The following MPRIP variants were observed in gnomAD, a reference collection of about 807,000 sequenced individuals.
MPRIP encodes the protein myosin phosphatase Rho interacting protein.
In MPRIP, 59 loss-of-function variants were observed where a neutral mutation model predicts 234.9. The observed-to-expected ratio is 0.25, with a 90% CI of 0.20 to 0.31. The LOEUF is 0.31. Ranked by LOEUF, MPRIP falls within the 10% of genes least tolerant of loss-of-function variation. MPRIP has a pLI of 1.00. For missense variants in MPRIP, 2,436 were observed against 3,071.0 expected (o/e 0.79, Z 4.89); for synonymous variants, 1,144 against 1,263.9 (o/e 0.91, Z 2.01).
At chr17:17,054,521 C>T (rs1377453400) in intron 1 of MPRIP, among the ~76,000 whole-genome samples, 2 of 152,224 alleles carry the variant, frequency 1.3e-5, no homozygotes, top group African/African-American at 4.8e-5. Context: ...CTTGCACCCA[C>T]ACCTGCTCAG....
chr17:17,088,509 G>GT (rs2089643450), intron 3 of MPRIP, among the ~76,000 whole-genome samples: 1 of 152,184 alleles, frequency 6.6e-6, no homozygotes, highest in Non-Finnish European at 1.5e-5. Flanking sequence ...AATATTTAGG[G>GT]TTGAAAAAGC....
At chr17:17,096,981 G>T (rs1337376727) in intron 3 of MPRIP, 1 of 345,272 alleles carries the variant, frequency 2.9e-6, no homozygotes, top group East Asian at 7.6e-5. Context: ...AGGCACACGT[G>T]CCTGCCCGGC....
intron 22 of MPRIP, chr17:17,178,476 G>GCAGGTGGAAAT (rs2046304351): frequency 6.6e-6 from 1 of 152,008 alleles, no homozygotes; most frequent in African/African-American, 2.4e-5. Context: ...CTTGAGCCCA[G>GCAGGTGGAAAT]GAGTTCTAGG....
In MPRIP at chr17:17,191,322, C is replaced by A. The variant is rs981238485; in HGVS notation, c.*6428C>A. 6.6e-6 allele frequency: 1 copy of A among 152,212 alleles called. No individual in the cohort carries two copies. Among genetic ancestry groups the A allele is most frequent in the African/African-American group, 2.4e-5 (1 of 41,446 alleles). The allele number at this position is 152,212 out of a possible 1,614,324, so 9.4% of individuals were successfully genotyped here. A position where few individuals can be genotyped will look rare whatever the true frequency, so the allele number is the denominator to read the frequency against. Reference sequence around the variant, plus strand: ...GAAGGCACAGTTCTGGGATCAGGGTCTAAATGTGCAGTTTCTGAGAACCTT... The same window carrying A: ...GAAGGCACAGTTCTGGGATCAGGGTATAAATGTGCAGTTTCTGAGAACCTT... On this transcript the variant is annotated 3_prime_UTR_variant, in exon 24 of 24. Coordinates refer to ENST00000651222, the MANE Select transcript of MPRIP (RefSeq NM_001364716.4).
At chr17:17,142,601 T>A in intron 7 of MPRIP, 26 bp from the exon 8 acceptor site, 1 of 1,609,266 alleles carries the variant, frequency 6.2e-7, no homozygotes, top group Non-Finnish European at 8.5e-7. Context: ...CACTGCCACC[T>A]CAGGGCCTCG....
intron 4 of MPRIP, among the ~76,000 whole-genome samples, 197 bp downstream of exon 4, chr17:17,127,050 C>T (rs1186951398): frequency 6.6e-6 from 1 of 152,196 alleles, no homozygotes; most frequent in Non-Finnish European, 1.5e-5. Flanking sequence ...CCACCTGCAG[C>T]CTCTGGGGCC....
chr17:17,113,268 G>A (rs1039142728), intron 3 of MPRIP, among the ~76,000 whole-genome samples: 1 of 152,200 alleles, frequency 6.6e-6, no homozygotes, highest in Non-Finnish European at 1.5e-5. Context: ...AGGTAGCTGG[G>A]GTATAGGTCA....
At chr17:17,110,564 G>A (rs765735116) in intron 3 of MPRIP, among the ~76,000 whole-genome samples, 10 of 152,190 alleles carry the variant, frequency 6.6e-5, no homozygotes, top group Non-Finnish European at 1.3e-4. Flanking sequence ...AGAGAGCACA[G>A]GGGTGGGGAG....
At position 17,144,919 on chromosome 17, in the gene MPRIP, C is replaced by T. The variant is rs560647479; in HGVS notation, c.1504-1117C>T. ...GAGGGGGCAGGTGGCAGTCCCACGTCTCAGGTCCTGTGCCGCAATGGCAAC... is the reference window on the plus strand; with the variant it reads ...GAGGGGGCAGGTGGCAGTCCCACGTTTCAGGTCCTGTGCCGCAATGGCAAC... On this transcript the variant is annotated intron_variant, in intron 9 of 23. Transcript: ENST00000651222. Among the ~76,000 whole-genome samples, 3 of 152,368 alleles carry T rather than the reference C, an allele frequency of 2.0e-5. No individual in the cohort carries two copies. In the East Asian group the frequency reaches 5.8e-4, roughly 29 times the overall value.
At chr17:17,149,922 G>C (rs767811945) in intron 11 of MPRIP, 2 of 456,068 alleles carry the variant, frequency 4.4e-6, no homozygotes, top group Non-Finnish European at 7.9e-6. Flanking sequence ...GAGGACCACT[G>C]GCGTGGACTA....
chr17:17,067,698 G>GT (rs1220858844), intron 1 of MPRIP, among the ~76,000 whole-genome samples: 2 of 150,680 alleles, frequency 1.3e-5, no homozygotes, highest in Non-Finnish European at 2.9e-5. Flanking sequence ...AAATTTTGGG[G>GT]TTTTGTCATG....
chr17:17,067,814 T>A lies in MPRIP; in HGVS notation c.124-7896T>A, dbSNP rs939220904. On this transcript the variant is annotated intron_variant, in intron 1 of 23. Transcript: ENST00000651222. ...CCTTTTTTTTTTTTTTTTTTTTTTT[T>A]AACAATTATATAGAATTAGTGTCAG... Among the ~76,000 whole-genome samples the A allele has an allele frequency of 7.0e-5, 10 of 142,032 alleles. No homozygotes were observed. In the East Asian group the frequency reaches 1.8e-3, roughly 25 times the overall value. 93.2% of individuals were successfully genotyped at this position (142,032 alleles called of 152,430 possible).
At chr17:17,175,810 A>T (rs2046242234) in intron 20 of MPRIP, among the ~76,000 whole-genome samples, 2 of 152,232 alleles carry the variant, frequency 1.3e-5, no homozygotes, top group Non-Finnish European at 2.9e-5. Context: ...TTAGGAAGGC[A>T]CTTAGATTTC....
chr17:17,096,325 G>A (rs1416848395), intron 3 of MPRIP, among the ~76,000 whole-genome samples: 1 of 138,722 alleles, frequency 7.2e-6, no homozygotes, highest in African/African-American at 2.8e-5. Context: ...GTGTGTGTGT[G>A]TGTGTGTGTG....
At chr17:17,170,617 T>A (rs1341962222) in intron 16 of MPRIP, among the ~76,000 whole-genome samples, 1 of 152,242 alleles carries the variant, frequency 6.6e-6, no homozygotes, top group Non-Finnish European at 1.5e-5. Flanking sequence ...GCAAGAAGAT[T>A]AACCAAGTGG....
intron 3 of MPRIP, among the ~76,000 whole-genome samples, chr17:17,082,722 A>G (rs2089493623): frequency 6.6e-6 from 1 of 152,228 alleles, no homozygotes; most frequent in Admixed American, 6.5e-5. Flanking sequence ...GTCTCTCTCC[A>G]GGACCCTTTT....
At chr17:17,058,382 G>A (rs1268020677) in intron 1 of MPRIP, among the ~76,000 whole-genome samples, 1 of 147,738 alleles carries the variant, frequency 6.8e-6, no homozygotes, top group African/African-American at 2.5e-5. Flanking sequence ...TAGGGACCCC[G>A]GGAGGGGAGC....
At chr17:17,053,506 G>A (rs1196127134) in intron 1 of MPRIP, among the ~76,000 whole-genome samples, 1 of 152,184 alleles carries the variant, frequency 6.6e-6, no homozygotes, top group African/African-American at 2.4e-5. Context: ...GTATGGAGCT[G>A]TGTGTGGGAC....
Position 17,138,407 on chromosome 17 carries a change from C to T in MPRIP, c.1228C>T (p.Arg410Cys), listed in dbSNP as rs1457008809. 4 of 276,772 alleles carry T rather than the reference C, an allele frequency of 1.4e-5. No homozygotes were observed. The highest frequency in any genetic ancestry group is 1.0e-4 in the Admixed American group (2 of 19,642). The allele number at this position is 276,772 out of a possible 1,614,324, so 17.1% of individuals were successfully genotyped here. Residue 410 changes from arginine to cysteine, a missense_variant, in exon 7 of 24, where the codon CGT (arginine) becomes TGT (cysteine). Coordinates refer to ENST00000651222, the MANE Select transcript of MPRIP (RefSeq NM_001364716.4). This position sits in a 1 kb window ranked among gnomAD's most constrained non-coding sequence, Gnocchi z 5.8. The part of the protein sequence containing the change: ...ARSPGREEVA[R>C]LFGNERRRSQ... ...GAGCCCTGGCAGGGAGGAGGTGGCC[C>T]GTCTGTTTGGCAACGAGCGGAGGTA...
Sources: gnomAD v4.1 joint callset for allele counts (sites outside exome capture counted in the v4.1 genomes callset) on GRCh38, gnomAD v4.1.1 for gene constraint, Gnocchi (gnomAD v3.1) non-coding constraint, MANE v1.5 for transcripts, NCBI Gene and HGNC (gene_info 2026-07-23, HGNC 2026-07-21) for gene names.